Variants in PRKG1 observed in about 807,000 individuals in gnomAD.
PRKG1 encodes protein kinase cGMP-dependent 1.
PRKG1 carries 35 observed loss-of-function variants against 88.1 expected under a neutral mutation model. The ratio of observed to expected loss-of-function variants is 0.40; its 90% CI spans 0.30 to 0.53. PRKG1 has a LOEUF of 0.53. PRKG1 is among the 20% of genes least tolerant of loss of function. The pLI is 0.59. For synonymous variants in PRKG1, 303 were observed against 292.5 expected, an observed-to-expected ratio of 1.04 and a Z score of -0.37; for missense variants, 540 against 839.8, an observed-to-expected ratio of 0.64 and a Z score of 4.41.
chr10:51,578,908 C>CT (rs778736832), intron 3 of PRKG1, among the ~76,000 whole-genome samples: 1 of 144,748 alleles, frequency 6.9e-6, no homozygotes, highest in Non-Finnish European at 1.5e-5. Flanking sequence ...GTGTTGTGAA[C>CT]TTTTGTCTTA....
chr10:51,450,960 T>C (rs890729371), intron 2 of PRKG1, among the ~76,000 whole-genome samples: 17 of 151,834 alleles, frequency 1.1e-4, no homozygotes, highest in Admixed American at 2.6e-4. Flanking sequence ...ATATTAGAAG[T>C]GTATTCAGCT....
At position 51,257,385 on chromosome 10, in the gene PRKG1, C is replaced by T. The variant is rs79212246; in HGVS notation, c.478+104055C>T. 5.7e-3 allele frequency among the ~76,000 whole-genome samples: 866 copies of T among 152,184 alleles called. 4 individuals are homozygous for T. The highest frequency in any genetic ancestry group is 0.02 in the African/African-American group (821 of 41,498). ...GAGATTTACAGCTCTTAGCAAAATG[C>T]CTGGCACATGTTTATCTCAATACAT... is the stretch of plus-strand genomic sequence containing the variant. On this transcript the variant is annotated intron_variant, in intron 2 of 17. Transcript: ENST00000373980.
chr10:51,468,969 G>A lies in PRKG1; in HGVS notation c.592+1133G>A, dbSNP rs143253717. Among the ~76,000 whole-genome samples, 760 of 151,690 alleles carry A rather than the reference G, an allele frequency of 5.0e-3. 6 individuals carry two copies. Among genetic ancestry groups the A allele is most frequent in the African/African-American group, 0.017 (724 of 41,442 alleles). ...TTCACTGTAACACCAATTGCAAATGGGCCCCTTTTAGGATGAGTCTTCCTT... is the reference window on the plus strand; with the variant it reads ...TTCACTGTAACACCAATTGCAAATGAGCCCCTTTTAGGATGAGTCTTCCTT... On this transcript the variant is annotated intron_variant, in intron 3 of 17. Transcript: ENST00000373980.
chr10:51,857,074 T>C (rs973235235), intron 4 of PRKG1, among the ~76,000 whole-genome samples: 3 of 152,158 alleles, frequency 2.0e-5, no homozygotes, highest in Admixed American at 6.5e-5. Context: ...GTTCTTCTGA[T>C]GGTCATACTC....
At chr10:52,082,961 G>T (rs1395034157) in intron 7 of PRKG1, among the ~76,000 whole-genome samples, 1 of 151,954 alleles carries the variant, frequency 6.6e-6, no homozygotes, top group African/African-American at 2.4e-5. Context: ...ATATCTTTTA[G>T]AGATATATGC....
intron 3 of PRKG1, among the ~76,000 whole-genome samples, chr10:51,554,989 AC>A (rs1837273675): frequency 6.6e-6 from 1 of 151,940 alleles, no homozygotes. Context: ...TTATTGTTAA[AC>A]ATGCTCTTTA....
chr10:51,656,799 C>G (rs1670837387), intron 3 of PRKG1, among the ~76,000 whole-genome samples: 1 of 152,136 alleles, frequency 6.6e-6, no homozygotes. Flanking sequence ...TTGGCACCAA[C>G]AAACCTTTTC....
intron 7 of PRKG1, among the ~76,000 whole-genome samples, chr10:52,118,840 G>A (rs529318571): frequency 2.0e-5 from 3 of 152,016 alleles, no homozygotes; most frequent in East Asian, 3.9e-4. Context: ...AGATGAAATA[G>A]GAAATATGTG....
intron 5 of PRKG1, among the ~76,000 whole-genome samples, chr10:52,050,856 G>T (rs1191387205): frequency 2.0e-5 from 3 of 152,284 alleles, no homozygotes; most frequent in Middle Eastern, 3.4e-3. Context: ...TCTTTAAGAT[G>T]AAGAGATTAA....
intron 2 of PRKG1, among the ~76,000 whole-genome samples, chr10:51,455,311 G>A (rs1175628125): frequency 6.6e-6 from 1 of 152,234 alleles, no homozygotes; most frequent in African/African-American, 2.4e-5. Flanking sequence ...GTGATGGGAG[G>A]AGCTACCTCA....
intron 9 of PRKG1, among the ~76,000 whole-genome samples, chr10:52,244,119 G>A (rs878896103): frequency 1.3e-5 from 2 of 152,030 alleles, no homozygotes; most frequent in Admixed American, 1.3e-4. Flanking sequence ...CTAAAAGGAT[G>A]GTGATTACAC....
chr10:52,274,536 C>CATGCCATCATATATATATATATATAT, intron 12 of PRKG1, among the ~76,000 whole-genome samples: 1 of 123,996 alleles, frequency 8.1e-6, no homozygotes, highest in African/African-American at 2.7e-5. Flanking sequence ...TATATATATA[C>CATGCCATCATATATATATATATATAT]ACACACACAC....
chr10:51,129,013 T>C (rs1397814006), intron 1 of PRKG1, among the ~76,000 whole-genome samples: 1 of 152,244 alleles, frequency 6.6e-6, no homozygotes, highest in Non-Finnish European at 1.5e-5. Flanking sequence ...TCTTGCCTCT[T>C]GGCTATCTGG....
chr10:51,119,054 T>TTG, intron 1 of PRKG1, among the ~76,000 whole-genome samples: 1 of 152,258 alleles, frequency 6.6e-6, no homozygotes, highest in Admixed American at 6.5e-5. Context: ...CTTAGAATAA[T>TTG]TCTTCATTTC....
chr10:51,284,404 T>C (rs1188940820), intron 2 of PRKG1, among the ~76,000 whole-genome samples: 1 of 152,228 alleles, frequency 6.6e-6, no homozygotes, highest in African/African-American at 2.4e-5. Context: ...GACACAAAAC[T>C]AGTACTTGAC....
intron 3 of PRKG1, among the ~76,000 whole-genome samples, chr10:51,486,850 G>T (rs555114144): frequency 7.3e-4 from 111 of 152,110 alleles, no homozygotes; most frequent in African/African-American, 2.6e-3. Flanking sequence ...TTGCTATATT[G>T]TCACTCTGTA....
At chr10:52,015,447 C>T (rs953747046) in intron 5 of PRKG1, among the ~76,000 whole-genome samples, 1 of 152,218 alleles carries the variant, frequency 6.6e-6, no homozygotes, top group Non-Finnish European at 1.5e-5. Context: ...GCCAGGCCCA[C>T]AAAACCATTT....
At chr10:51,396,477 A>G (rs1488810426) in intron 2 of PRKG1, among the ~76,000 whole-genome samples, 3 of 152,254 alleles carry the variant, frequency 2.0e-5, no homozygotes, top group Middle Eastern at 3.2e-3. Flanking sequence ...TAAAACTAAA[A>G]GAAGTTCCTT....
intron 2 of PRKG1, among the ~76,000 whole-genome samples, chr10:51,263,166 G>A (rs1839756592): frequency 6.6e-6 from 1 of 152,094 alleles, no homozygotes; most frequent in African/African-American, 2.4e-5. Context: ...AGGGTTTAAT[G>A]TTCACCCCTT....
Sources: allele counts gnomAD v4.1 joint callset (sites outside exome capture counted in the v4.1 genomes callset), GRCh38; gene constraint gnomAD v4.1.1; transcripts MANE v1.5; gene names NCBI Gene and HGNC (gene_info 2026-07-23, HGNC 2026-07-21).